STRBP: variants seen among roughly 807,000 people sequenced by gnomAD.
STRBP encodes the protein spermatid perinuclear RNA-binding protein.
Under a neutral mutation model 80.1 loss-of-function variants are expected in STRBP, and 13 were observed. The ratio of observed to expected loss-of-function variants is 0.16; its 90% CI spans 0.11 to 0.26. The LOEUF (loss-of-function observed/expected upper bound fraction) is 0.26, where lower values mean the gene tolerates loss of function less well. STRBP is among the 10% of genes least tolerant of loss of function. STRBP has a pLI of 1.00. For missense variants in STRBP, 485 were observed against 815.2 expected (o/e 0.59, Z 4.93); for synonymous variants, 284 against 291.2 (o/e 0.98, Z 0.25).
At chr9:123,162,002 G>A (rs565011687) in intron 6 of STRBP, among the ~76,000 whole-genome samples, 9 of 152,144 alleles carry the variant, frequency 5.9e-5, no homozygotes, top group South Asian at 2.1e-4. Flanking sequence ...CAATTAAGTC[G>A]GATTTACCAT....
chr9:123,207,982 G>C (rs2039579855), intron 2 of STRBP, among the ~76,000 whole-genome samples: 2 of 152,152 alleles, frequency 1.3e-5, no homozygotes, highest in Admixed American at 6.5e-5. Context: ...AAGGAACTTT[G>C]ATCCTCTTTA....
intron 2 of STRBP, among the ~76,000 whole-genome samples, chr9:123,211,959 T>C (rs997505420): frequency 6.6e-6 from 1 of 152,194 alleles, no homozygotes; most frequent in Admixed American, 6.5e-5. Flanking sequence ...ACTTCTCACC[T>C]AACCCCTAAA....
intron 17 of STRBP, 82 bp downstream of exon 17, chr9:123,132,763 C>T (rs1473049979): frequency 1.9e-6 from 3 of 1,557,854 alleles, no homozygotes; most frequent in African/African-American, 1.4e-5. Flanking sequence ...AAACCCTGTA[C>T]AACCTTAGAA....
At chr9:123,138,819 TATTA>T (rs1402037546) in intron 14 of STRBP, among the ~76,000 whole-genome samples, 1 of 152,218 alleles carries the variant, frequency 6.6e-6, no homozygotes, top group Non-Finnish European at 1.5e-5. Context: ...AAAATTAGTT[TATTA>T]ATTAAGTCCT....
intron 13 of STRBP, among the ~76,000 whole-genome samples, chr9:123,140,610 AAAAC>A (rs376973361): frequency 8.9e-4 from 135 of 152,160 alleles, no homozygotes; most frequent in African/African-American, 2.8e-3. Context: ...ACAAACAAAC[AAAAC>A]AAACAAACAA....
chr9:123,188,790 GCAAA>G (rs1320213877), intron 2 of STRBP, among the ~76,000 whole-genome samples: 1 of 152,010 alleles, frequency 6.6e-6, no homozygotes, highest in Non-Finnish European at 1.5e-5. Flanking sequence ...GTAATGTTTT[GCAAA>G]CAGTTTGTTA....
chr9:123,180,880 G>A (rs2038428524), intron 3 of STRBP: 3 of 964,102 alleles, frequency 3.1e-6, no homozygotes, highest in Non-Finnish European at 3.7e-6. Context: ...GAAATTATAT[G>A]TTAGTACATG....
intron 2 of STRBP, among the ~76,000 whole-genome samples, chr9:123,196,161 T>G (rs2039082935): frequency 6.6e-6 from 1 of 152,208 alleles, no homozygotes; most frequent in Non-Finnish European, 1.5e-5. Flanking sequence ...CTGGGAAAAC[T>G]GGATATCCAT....
chr9:123,210,688 G>A (rs2039677255), intron 2 of STRBP, among the ~76,000 whole-genome samples: 1 of 152,084 alleles, frequency 6.6e-6, no homozygotes, highest in Admixed American at 6.6e-5. Flanking sequence ...AATTAGCTGG[G>A]TGCGGTGGCA....
intron 4 of STRBP, 53 bp downstream of exon 4, chr9:123,178,954 A>C: frequency 7.8e-6 from 12 of 1,544,440 alleles, no homozygotes; most frequent in East Asian, 4.5e-5. Flanking sequence ...AGCAGACCTT[A>C]GAGCTTTGCT....
intron 1 of STRBP, among the ~76,000 whole-genome samples, chr9:123,255,520 AGTT>A (rs2041010325): frequency 6.6e-6 from 1 of 152,256 alleles, no homozygotes; most frequent in Non-Finnish European, 1.5e-5. Flanking sequence ...ATAACCTGTA[AGTT>A]GTATCAAGCT....
intron 16 of STRBP, among the ~76,000 whole-genome samples, chr9:123,134,187 G>C (rs2132316134): frequency 6.6e-6 from 1 of 152,262 alleles, no homozygotes; most frequent in South Asian, 2.1e-4. Flanking sequence ...TTATAGAAAT[G>C]CAACAAAAAC....
chr9:123,178,168 T>C (rs555818794), intron 4 of STRBP, among the ~76,000 whole-genome samples: 1 of 152,334 alleles, frequency 6.6e-6, no homozygotes, highest in South Asian at 2.1e-4. Flanking sequence ...CATTTATCAA[T>C]ACTTTCCTAT....
intron 13 of STRBP, among the ~76,000 whole-genome samples, chr9:123,142,320 C>G (rs2036622778): frequency 6.6e-6 from 1 of 152,144 alleles, no homozygotes; most frequent in African/African-American, 2.4e-5. Flanking sequence ...TCCTCCTGCT[C>G]GGACCACATA....
chr9:123,221,065 A>G (rs1217688466), intron 2 of STRBP, among the ~76,000 whole-genome samples: 2 of 152,216 alleles, frequency 1.3e-5, no homozygotes, highest in Non-Finnish European at 1.5e-5. Context: ...AGAAAACAAC[A>G]AAGAATTTTT....
At chr9:123,215,564 T>C (rs1051915780) in intron 2 of STRBP, among the ~76,000 whole-genome samples, 4 of 152,082 alleles carry the variant, frequency 2.6e-5, no homozygotes, top group Admixed American at 2.6e-4. Context: ...GAGGCCAAAT[T>C]ACCTGAGGTC....
intron 2 of STRBP, among the ~76,000 whole-genome samples, chr9:123,232,297 T>A (rs1435467641): frequency 6.6e-6 from 1 of 151,940 alleles, no homozygotes; most frequent in Non-Finnish European, 1.5e-5. Flanking sequence ...GGTGACAGAG[T>A]AAGACTCCAT....
At chr9:123,224,295 T>C (rs139866681) in intron 2 of STRBP, among the ~76,000 whole-genome samples, 14 of 152,304 alleles carry the variant, frequency 9.2e-5, no homozygotes, top group Admixed American at 7.2e-4. Context: ...TGGACACACC[T>C]GTAACAAAAA....
intron 3 of STRBP, among the ~76,000 whole-genome samples, chr9:123,183,525 A>G (rs904794415): frequency 6.6e-6 from 1 of 152,160 alleles, no homozygotes; most frequent in African/African-American, 2.4e-5. Context: ...ACTAAGGGAA[A>G]AAAAATCAGC....
Sources: gnomAD v4.1 joint callset for allele counts (sites outside exome capture counted in the v4.1 genomes callset) on GRCh38, gnomAD v4.1.1 for gene constraint, MANE v1.5 for transcripts, NCBI Gene and HGNC (gene_info 2026-07-23, HGNC 2026-07-21) for gene names.